HMCN1: variants seen among roughly 807,000 people sequenced by gnomAD.
HMCN1 encodes hemicentin 1.
A neutral mutation model predicts 625.9 loss-of-function variants in HMCN1; 321 were observed. That is an observed-to-expected ratio of 0.51 (90% CI 0.47 to 0.56). The LOEUF (loss-of-function observed/expected upper bound fraction) is 0.56, where lower values mean the gene tolerates loss of function less well. Ranked by LOEUF, HMCN1 falls within the 20% of genes least tolerant of loss-of-function variation. HMCN1 has a pLI of 0.00. For missense variants in HMCN1, 6,588 were observed against 6,887.3 expected, an observed-to-expected ratio of 0.96 and a Z score of 1.54; for synonymous variants, 2,425 against 2,417.6, an observed-to-expected ratio of 1.00 and a Z score of -0.09.
chr1:186,047,027 TA>T (rs572715517), intron 41 of HMCN1, among the ~76,000 whole-genome samples: 48 of 152,246 alleles, frequency 3.2e-4, no homozygotes, highest in African/African-American at 1.1e-3. Flanking sequence ...AAGGAATGTT[TA>T]TTACTGATAA....
chr1:185,804,743 T>G (rs922709471), intron 1 of HMCN1, among the ~76,000 whole-genome samples: 19 of 152,090 alleles, frequency 1.2e-4, no homozygotes, highest in Non-Finnish European at 4.4e-5. Context: ...TTGACCTGAT[T>G]CCGCAGAAAT....
chr1:185,893,052 G>T (rs866049729), intron 4 of HMCN1, among the ~76,000 whole-genome samples: 1 of 152,166 alleles, frequency 6.6e-6, no homozygotes, highest in African/African-American at 2.4e-5. Context: ...CGCAGTATTC[G>T]GGTGCAAGTG....
At chr1:185,951,591 GAGTC>G (rs1030866519) in intron 11 of HMCN1, among the ~76,000 whole-genome samples, 6 of 151,602 alleles carry the variant, frequency 4.0e-5, no homozygotes, top group South Asian at 2.1e-4. Flanking sequence ...ATCTGGGAAG[GAGTC>G]AGTCAGAGAG....
intron 43 of HMCN1, 115 bp from the exon 44 acceptor site, chr1:186,053,710 C>T (rs1657120404): frequency 2.1e-6 from 2 of 971,618 alleles, no homozygotes; most frequent in South Asian, 2.7e-5. Context: ...GATTATTTTA[C>T]AGTGTCATTT....
chr1:185,867,335 G>A (rs1410340502), intron 4 of HMCN1, among the ~76,000 whole-genome samples: 1 of 152,108 alleles, frequency 6.6e-6, no homozygotes, highest in Admixed American at 6.5e-5. Context: ...TGGGAACCTG[G>A]GAAGAAAGGG....
intron 71 of HMCN1, among the ~76,000 whole-genome samples, chr1:186,111,647 A>G (rs1365468028): frequency 5.3e-5 from 8 of 152,164 alleles, no homozygotes; most frequent in Non-Finnish European, 1.2e-4. Flanking sequence ...CTGTCTCTTA[A>G]GAAAAAAAGA....
chr1:185,794,180 A>T (rs923406195), intron 1 of HMCN1, among the ~76,000 whole-genome samples: 2 of 152,094 alleles, frequency 1.3e-5, no homozygotes, highest in Admixed American at 6.6e-5. Flanking sequence ...GGAAAAAAAA[A>T]CTTTTAAAAA....
chr1:186,087,865 A>C (rs1659605442), intron 60 of HMCN1, 67 bp from the exon 61 acceptor site: 5 of 1,412,140 alleles, frequency 3.5e-6, no homozygotes, highest in Admixed American at 3.4e-5. Flanking sequence ...TTTAATCTAA[A>C]CTCGAACAGT....
rs140907210 is a variant in HMCN1, at chr1:186,034,746, A to T, written c.5750-3188A>T. Among the ~76,000 whole-genome samples the T allele has an allele frequency of 5.6e-4, 85 of 152,290 alleles. 1 individual carries two copies. The East Asian group carries it at 0.015, about 27-fold the overall frequency. On this transcript the variant is annotated intron_variant, in intron 36 of 106. Transcript: ENST00000271588. ...CTCACTGTTCTTAATGAAATTTAGC[A>T]TTTATTTTTAATAAATACTTTTTGG...
At chr1:185,790,866 C>CTTAT (rs539101015) in intron 1 of HMCN1, among the ~76,000 whole-genome samples, 124 of 152,172 alleles carry the variant, frequency 8.1e-4, no homozygotes, top group Admixed American at 2.2e-3. Flanking sequence ...TAAGCCTTAG[C>CTTAT]TTATTTATTT....
rs373882360 is a variant in HMCN1, at chr1:186,136,611, TA to T, written c.13313-48del. 3.5e-3 allele frequency: 5,246 copies of T among 1,497,084 alleles called. 44 individuals are homozygous for T. Among genetic ancestry groups the T allele is most frequent in the South Asian group, 0.022 (1,951 of 87,720 alleles). 92.7% of individuals were successfully genotyped at this position (1,497,084 alleles called of 1,614,324 possible). A position where few individuals can be genotyped will look rare whatever the true frequency, so the allele number is the denominator to read the frequency against. ...AATAATGTCGCCATATAATACATGA[TA>T]AAAAAAAATGCTGTAACTCCACAAA... On this transcript the variant is annotated intron_variant, in intron 86 of 106. Coordinates refer to ENST00000271588, the MANE Select transcript of HMCN1 (RefSeq NM_031935.3).
chr1:186,187,828 A>T, intron 105 of HMCN1, 55 bp from the exon 106 acceptor site: 1 of 1,611,100 alleles, frequency 6.2e-7, no homozygotes, highest in African/African-American at 1.3e-5. Context: ...GCCTGCTCTG[A>T]TGGCCTTCTC....
intron 14 of HMCN1, among the ~76,000 whole-genome samples, chr1:185,966,491 T>C (rs1256821478): frequency 6.6e-6 from 1 of 152,146 alleles, no homozygotes; most frequent in Non-Finnish European, 1.5e-5. Context: ...ATAACAGTTA[T>C]ATGCCACTTG....
chr1:185,816,826 G>A (rs1659873276), intron 1 of HMCN1, among the ~76,000 whole-genome samples: 1 of 152,184 alleles, frequency 6.6e-6, no homozygotes, highest in Admixed American at 6.5e-5. Flanking sequence ...AAGTGGCAAG[G>A]GCTTCAACTA....
intron 1 of HMCN1, among the ~76,000 whole-genome samples, chr1:185,832,460 A>G (rs1660925654): frequency 6.6e-6 from 1 of 152,208 alleles, no homozygotes; most frequent in Non-Finnish European, 1.5e-5. Context: ...GCATGAAGGT[A>G]AAGATTAGTG....
Position 186,087,203 on chromosome 1 carries a change from C to T in HMCN1, c.9047-14C>T, listed in dbSNP as rs768785585. The T allele has an allele frequency of 3.9e-6, 6 of 1,545,266 alleles. No homozygotes were observed. Among genetic ancestry groups the T allele is most frequent in the African/African-American group, 1.4e-5 (1 of 73,474 alleles). ...TGTATACCACTCTACAATTTGCATT[C>T]TATTTACCTACAGGTGGTCGAACTC... On this transcript the variant is annotated splice_polypyrimidine_tract_variant and intron_variant, in intron 58 of 106. Coordinates refer to ENST00000271588, the MANE Select transcript of HMCN1 (RefSeq NM_031935.3).
rs80098043 is a variant in HMCN1 at position 185,904,042 on chromosome 1, T to C, written c.622-5295T>C. Among the ~76,000 whole-genome samples, 26 of 151,982 alleles carry C rather than the reference T, an allele frequency of 1.7e-4. No homozygotes were observed. In the East Asian group the frequency reaches 4.6e-3, roughly 27 times the overall value. On this transcript the variant is annotated intron_variant, in intron 4 of 106. Coordinates refer to ENST00000271588, the MANE Select transcript of HMCN1 (RefSeq NM_031935.3). ...TGTATATCTTCCTTTGTCTAAGTTC[T>C]TGTGGACAGGGTCTGCAAGGGGATT...
intron 1 of HMCN1, among the ~76,000 whole-genome samples, chr1:185,842,623 G>A (rs1432399369): frequency 1.3e-5 from 2 of 152,054 alleles, no homozygotes; most frequent in African/African-American, 4.8e-5. Flanking sequence ...CCAGCTACTT[G>A]GGAGGCCGAG....
At chr1:185,932,098 T>C (rs528537144) in intron 10 of HMCN1, among the ~76,000 whole-genome samples, 1 of 152,304 alleles carries the variant, frequency 6.6e-6, no homozygotes, top group East Asian at 1.9e-4. Context: ...GTGTCCTGCA[T>C]TTTACCTGGG....
Sources: gnomAD v4.1 joint callset for allele counts (sites outside exome capture counted in the v4.1 genomes callset) on GRCh38, gnomAD v4.1.1 for gene constraint, MANE v1.5 for transcripts, NCBI Gene and HGNC (gene_info 2026-07-23, HGNC 2026-07-21) for gene names.